The following MYO16 variants were observed in gnomAD, a reference collection of about 807,000 sequenced individuals.
MYO16 encodes myosin XVI, also known as unconventional myosin-XVI.
Under a neutral mutation model 205.3 loss-of-function variants are expected in MYO16, and 94 were observed. The observed-to-expected ratio is 0.46, with a 90% CI of 0.39 to 0.54. The LOEUF (loss-of-function observed/expected upper bound fraction) is 0.54, where lower values mean the gene tolerates loss of function less well. Ranked by LOEUF, MYO16 falls within the 20% of genes least tolerant of loss-of-function variation. The pLI, the probability that MYO16 is intolerant of heterozygous loss-of-function variation, is 0.00. For synonymous variants in MYO16, 988 were observed against 954.0 expected (o/e 1.04, Z -0.66); for missense variants, 2,315 against 2,387.5 (o/e 0.97, Z 0.63).
intron 33 of MYO16, among the ~76,000 whole-genome samples, chr13:109,171,526 G>A (rs1878921961): frequency 1.3e-5 from 2 of 152,186 alleles, no homozygotes; most frequent in Non-Finnish European, 2.9e-5. Flanking sequence ...AGTTATGTGT[G>A]CGTAATTATA....
At chr13:108,716,645 T>C (rs1467369349) in intron 3 of MYO16, among the ~76,000 whole-genome samples, 2 of 152,222 alleles carry the variant, frequency 1.3e-5, no homozygotes, top group Non-Finnish European at 2.9e-5. Context: ...ATCTGTGCTG[T>C]TGGCCTCACC....
chr13:109,007,336 C>T (rs989764098), intron 21 of MYO16, among the ~76,000 whole-genome samples: 1 of 150,674 alleles, frequency 6.6e-6, no homozygotes, highest in African/African-American at 2.4e-5. Context: ...TGCAGTGAGC[C>T]GAGATGGCGC....
intron 1 of MYO16, among the ~76,000 whole-genome samples, chr13:108,610,452 C>T (rs1026293594): frequency 6.6e-6 from 1 of 152,082 alleles, no homozygotes; most frequent in Non-Finnish European, 1.5e-5. Flanking sequence ...AAGTACTCTT[C>T]TCTTATTGTT....
rs1331806149 is a variant in MYO16, at chr13:108,948,234, TTATTTG to T, written c.1926-9453_1926-9448del. Among the ~76,000 whole-genome samples, 3 of 152,240 alleles carry T rather than the reference TTATTTG, an allele frequency of 2.0e-5. No individual in the cohort carries two copies. In the East Asian group the frequency reaches 5.8e-4, roughly 29 times the overall value. ...TTGATACCAACTGTTTAATTTTGCC[TTATTTG>T]GCTTCTGTTTATATATTAAACATCA... On this transcript the variant is annotated intron_variant, in intron 16 of 34. Coordinates refer to ENST00000457511, the MANE Select transcript of MYO16 (RefSeq NM_001198950.3).
At chr13:108,888,872 T>C (rs958976111) in intron 14 of MYO16, among the ~76,000 whole-genome samples, 1 of 151,956 alleles carries the variant, frequency 6.6e-6, no homozygotes, top group African/African-American at 2.4e-5. Flanking sequence ...CTGGCCAACA[T>C]TGTGAAACCT....
chr13:108,994,506 A>G (rs1884940809), intron 21 of MYO16, among the ~76,000 whole-genome samples: 1 of 152,086 alleles, frequency 6.6e-6, no homozygotes, highest in Non-Finnish European at 1.5e-5. Flanking sequence ...TTTTTTTAAG[A>G]CCATTGGTTT....
At chr13:108,575,004 G>C in the MYO16 span, among the ~76,000 whole-genome samples, 1 of 152,082 alleles carries the variant, frequency 6.6e-6, no homozygotes. Flanking sequence ...ACTAGTTCTA[G>C]TATAAGGTGT....
intron 4 of MYO16, among the ~76,000 whole-genome samples, chr13:108,767,725 G>A (rs1885829353): frequency 6.6e-6 from 1 of 152,120 alleles, no homozygotes; most frequent in Non-Finnish European, 1.5e-5. Context: ...TGGAGCCCTA[G>A]GCTGAGCATT....
At chr13:108,805,860 G>A (rs1484799174) in intron 6 of MYO16, among the ~76,000 whole-genome samples, 1 of 151,618 alleles carries the variant, frequency 6.6e-6, no homozygotes, top group African/African-American at 2.4e-5. Flanking sequence ...CAGATGGATT[G>A]CTTGACCCCA....
intron 27 of MYO16, among the ~76,000 whole-genome samples, chr13:109,066,447 AG>A (rs761631852): frequency 6.6e-6 from 1 of 152,190 alleles, no homozygotes; most frequent in Non-Finnish European, 1.5e-5. Flanking sequence ...GGTTTAACGA[AG>A]TTTGAGAGGA....
intron 34 of MYO16, among the ~76,000 whole-genome samples, chr13:109,195,740 A>G (rs1880126645): frequency 6.6e-6 from 1 of 152,172 alleles, no homozygotes; most frequent in African/African-American, 2.4e-5. Context: ...ATGAACAGCA[A>G]CATGATTTTA....
intron 27 of MYO16, among the ~76,000 whole-genome samples, chr13:109,097,516 T>A (rs1888816365): frequency 6.6e-6 from 1 of 152,004 alleles, no homozygotes; most frequent in African/African-American, 2.4e-5. Context: ...GAAACCCCAA[T>A]AAAAATTAAT....
chr13:109,160,657 C>T (rs1878337789), intron 32 of MYO16, among the ~76,000 whole-genome samples: 1 of 152,174 alleles, frequency 6.6e-6, no homozygotes, highest in South Asian at 2.1e-4. Flanking sequence ...GTATTCACTT[C>T]CTTAGTTGTT....
chr13:108,739,280 G>T (rs1247725273), intron 4 of MYO16, among the ~76,000 whole-genome samples: 8 of 152,136 alleles, frequency 5.3e-5, no homozygotes, highest in African/African-American at 1.4e-4. Flanking sequence ...GGTACCAGTT[G>T]TTCCTTTCCA....
intron 16 of MYO16, among the ~76,000 whole-genome samples, chr13:108,923,473 T>C (rs568111009): frequency 3.3e-5 from 5 of 152,210 alleles, no homozygotes; most frequent in Non-Finnish European, 5.9e-5. Context: ...CCAGGCAGAC[T>C]GGTAAGGGCA....
chr13:109,063,667 T>A (rs1887656735), intron 27 of MYO16, among the ~76,000 whole-genome samples: 2 of 152,224 alleles, frequency 1.3e-5, no homozygotes, highest in South Asian at 2.1e-4. Context: ...TATGTTGTTA[T>A]AGCAGCCCAC....
At chr13:109,059,528 T>A (rs969008414) in intron 27 of MYO16, among the ~76,000 whole-genome samples, 1 of 152,216 alleles carries the variant, frequency 6.6e-6, no homozygotes, top group Admixed American at 6.5e-5. Flanking sequence ...GATGTGCTTT[T>A]TTTCATATGT....
intron 24 of MYO16, among the ~76,000 whole-genome samples, chr13:109,052,002 A>T (rs1466802940): frequency 1.3e-5 from 2 of 152,162 alleles, no homozygotes; most frequent in Non-Finnish European, 2.9e-5. Flanking sequence ...CTTAGGTCTG[A>T]GCAGGTAAGA....
Position 109,125,981 on chromosome 13 carries a change from G to A in MYO16, c.3782+623G>A, listed in dbSNP as rs1206979087. Among the ~76,000 whole-genome samples, 2 of 152,190 alleles carry A rather than the reference G, an allele frequency of 1.3e-5. No homozygotes were observed. The highest frequency in any genetic ancestry group is 2.9e-5 in the Non-Finnish European group (2 of 68,024). ...TGATCACTCTCCTCTCTCTGTGAAT[G>A]ATGAAGACACCCGTGAATCACAACA... On this transcript the variant is annotated intron_variant, in intron 30 of 34. Transcript: ENST00000457511. This position sits in a 1 kb window ranked among gnomAD's most constrained non-coding sequence, Gnocchi z 4.0.
Sources: allele counts gnomAD v4.1 joint callset (sites outside exome capture counted in the v4.1 genomes callset), GRCh38; gene constraint gnomAD v4.1.1; non-coding constraint Gnocchi (gnomAD v3.1); transcripts MANE v1.5; gene names NCBI Gene and HGNC (gene_info 2026-07-23, HGNC 2026-07-21).